The following TRAF3 variants were observed in gnomAD, a reference collection of about 807,000 sequenced individuals.
TRAF3 encodes TNF receptor associated factor 3.
In TRAF3, 13 loss-of-function variants were observed where a neutral mutation model predicts 62.3. The observed-to-expected ratio is 0.21, with a 90% CI of 0.14 to 0.33. The LOEUF (loss-of-function observed/expected upper bound fraction) is 0.33, where lower values mean the gene tolerates loss of function less well. Ranked by LOEUF, TRAF3 falls within the 10% of genes least tolerant of loss-of-function variation. The pLI is 1.00. For synonymous variants in TRAF3, 269 were observed against 283.4 expected (o/e 0.95, Z 0.51); for missense variants, 440 against 741.8 (o/e 0.59, Z 4.73).
intron 5 of TRAF3, 47 bp from the exon 6 acceptor site, chr14:102,876,311 T>G (rs1343654326): frequency 6.2e-7 from 1 of 1,602,114 alleles, no homozygotes; most frequent in Non-Finnish European, 8.5e-7. Flanking sequence ...TATTTCAGAT[T>G]TAGGGTTTTT....
At chr14:102,858,795 C>G (rs2139769639) in intron 2 of TRAF3, among the ~76,000 whole-genome samples, 1 of 152,298 alleles carries the variant, frequency 6.6e-6, no homozygotes, top group East Asian at 1.9e-4. Context: ...AACACCATTT[C>G]ATATTTGACA....
intron 7 of TRAF3, among the ~76,000 whole-genome samples, chr14:102,888,065 T>C (rs1347688884): frequency 6.6e-6 from 1 of 152,132 alleles, no homozygotes; most frequent in Non-Finnish European, 1.5e-5. Flanking sequence ...AACACCGAAT[T>C]TACTCTAGTA....
chr14:102,903,302 G>T lies in TRAF3; in HGVS notation c.1008G>T (p.Glu336Asp), dbSNP rs1231748997. The T allele has an allele frequency of 1.9e-6, 3 of 1,614,242 alleles. No individual in the cohort carries two copies. In the Admixed American group the frequency reaches 5.0e-5, roughly 27 times the overall value. ...QAEKLKELDK[E>D]IRPFRQNWEE... ...AGAAACTGAAGGAGCTTGACAAGGA[G>T]ATCCGGCCCTTCCGGCAGAACTGGG... is the stretch of plus-strand genomic sequence containing the variant. Residue 336 changes from glutamate (E) to aspartate (D), a missense_variant, in exon 11 of 12, where the codon GAG becomes GAT. By Grantham distance (45) the Glu-to-Asp change is conservative. Around this residue, in one of 6 missense-constraint regions of TRAF3, gnomAD observed 255 missense variants for 424.1 expected, o/e 0.60. Transcript: ENST00000392745. The surrounding 1 kb of genome is among the most constrained non-coding windows in gnomAD (Gnocchi z 6.4).
chr14:102,879,520 A>C (rs920398651), intron 6 of TRAF3, among the ~76,000 whole-genome samples: 3 of 151,898 alleles, frequency 2.0e-5, no homozygotes, highest in Admixed American at 1.3e-4. Flanking sequence ...CAGCCTCCCA[A>C]AGTGGTGGGA....
Position 102,796,073 on chromosome 14 carries a change from C to T in TRAF3, c.-157+18398C>T, listed in dbSNP as rs191837927. Among the ~76,000 whole-genome samples the T allele has an allele frequency of 9.9e-5, 15 of 152,184 alleles. No homozygotes were observed. In the East Asian group the frequency reaches 1.7e-3, roughly 18 times the overall value. On this transcript the variant is annotated intron_variant, in intron 1 of 11. Transcript: ENST00000392745. The stretch of plus-strand genomic sequence containing the variant: ...CTCTACTAAAAATACAAAAATTAGC[C>T]GGGTGTGGTGTCGGGTGCCTGTAAT...
At chr14:102,784,663 T>A (rs188401372) in intron 1 of TRAF3, among the ~76,000 whole-genome samples, 1 of 152,296 alleles carries the variant, frequency 6.6e-6, no homozygotes, top group Admixed American at 6.5e-5. Flanking sequence ...TGATCTCTGT[T>A]TTCAAGGAGC....
At chr14:102,804,090 T>C (rs1200378964) in intron 1 of TRAF3, among the ~76,000 whole-genome samples, 2 of 151,726 alleles carry the variant, frequency 1.3e-5, no homozygotes, top group East Asian at 1.9e-4. Context: ...CCTTCCAGGC[T>C]GAGATGTGAG....
intron 11 of TRAF3, 82 bp from the exon 12 acceptor site, chr14:102,905,131 A>G (rs1890522049): frequency 1.5e-6 from 2 of 1,372,102 alleles, no homozygotes; most frequent in Non-Finnish European, 2.0e-6. Context: ...AAATAAAATA[A>G]CGAGTGCTGG....
At chr14:102,784,521 CT>C (rs1897404374) in intron 1 of TRAF3, among the ~76,000 whole-genome samples, 1 of 152,178 alleles carries the variant, frequency 6.6e-6, no homozygotes, top group South Asian at 2.1e-4. Context: ...CTGGGCCCCT[CT>C]GATGCTTGGC....
In TRAF3 at chr14:102,909,253, T is replaced by C. The variant is rs1890742189; in HGVS notation, c.*3469T>C. 1 of 152,248 alleles carries C rather than the reference T, an allele frequency of 6.6e-6. No individual in the cohort carries two copies. The highest frequency in any genetic ancestry group is 2.4e-5 in the African/African-American group (1 of 41,442). The allele number at this position is 152,248 out of a possible 1,614,324, so 9.4% of individuals were successfully genotyped here. A position where few individuals can be genotyped will look rare whatever the true frequency, so the allele number is the denominator to read the frequency against. Reference sequence around the variant, plus strand: ...TGTCAATTCTAGGAGCCATCAAGCATGAATGTGGTTCTGTCTCCTGAGCGC... The same window carrying C: ...TGTCAATTCTAGGAGCCATCAAGCACGAATGTGGTTCTGTCTCCTGAGCGC... On this transcript the variant is annotated 3_prime_UTR_variant, in exon 12 of 12. Coordinates refer to ENST00000392745, the MANE Select transcript of TRAF3 (RefSeq NM_145725.3).
intron 2 of TRAF3, among the ~76,000 whole-genome samples, chr14:102,838,482 C>T (rs1886162083): frequency 6.6e-6 from 1 of 152,180 alleles, no homozygotes; most frequent in African/African-American, 2.4e-5. Flanking sequence ...GCTGGGTGTG[C>T]CTGCCGTCCT....
chr14:102,809,422 G>A (rs1182474603), intron 1 of TRAF3, among the ~76,000 whole-genome samples: 3 of 151,982 alleles, frequency 2.0e-5, no homozygotes, highest in Non-Finnish European at 4.4e-5. Flanking sequence ...GAGCCACCGC[G>A]CCTGGCCTAG....
At chr14:102,899,653 A>G (rs74405055) in intron 10 of TRAF3, among the ~76,000 whole-genome samples, 5,233 of 152,232 alleles carry the variant, frequency 0.034, 99 homozygotes, top group Admixed American at 0.06. Context: ...TGATGAGGGC[A>G]CACGTCACTT....
At chr14:102,897,551 A>G in intron 10 of TRAF3, 150 bp downstream of exon 10, 1 of 1,116,328 alleles carries the variant, frequency 9.0e-7, no homozygotes, top group South Asian at 1.5e-5. Context: ...GAAGGCTTAG[A>G]AAAGGCAGCT....
chr14:102,891,266 G>A (rs2273393), intron 8 of TRAF3, 59 bp from the exon 9 acceptor site: 38 of 1,513,832 alleles, frequency 2.5e-5, no homozygotes, highest in Non-Finnish European at 3.2e-5. Context: ...TATGTTAGCC[G>A]TTCTGCCCTT....
At chr14:102,793,479 A>G (rs1223866347) in intron 1 of TRAF3, among the ~76,000 whole-genome samples, 1 of 152,184 alleles carries the variant, frequency 6.6e-6, no homozygotes, top group African/African-American at 2.4e-5. Context: ...ACTGTGCATC[A>G]TGTTTCTTCA....
chr14:102,870,470 C>T (rs199699162), intron 3 of TRAF3, 24 bp downstream of exon 3: 59 of 1,610,376 alleles, frequency 3.7e-5, no homozygotes, highest in Non-Finnish European at 4.4e-5. Flanking sequence ...CCCGGCCCGT[C>T]GCCCGGCCCC....
intron 1 of TRAF3, among the ~76,000 whole-genome samples, chr14:102,800,187 A>G (rs181260465): frequency 1.4e-3 from 214 of 152,302 alleles, no homozygotes; most frequent in African/African-American, 4.9e-3. Flanking sequence ...GGGAATTTTT[A>G]AAGAACTCCT....
At chr14:102,846,971 A>G (rs1484183336) in intron 2 of TRAF3, among the ~76,000 whole-genome samples, 3 of 152,194 alleles carry the variant, frequency 2.0e-5, no homozygotes, top group Admixed American at 1.3e-4. Context: ...TAATAACTTC[A>G]TGAAACGGTA....
Sources: gnomAD v4.1 joint callset for allele counts (sites outside exome capture counted in the v4.1 genomes callset) on GRCh38, gnomAD v4.1.1 for gene constraint, gnomAD v4.1.1 regional missense constraint, Gnocchi (gnomAD v3.1) non-coding constraint, MANE v1.5 for transcripts, NCBI Gene and HGNC (gene_info 2026-07-23, HGNC 2026-07-21) for gene names.